Variants in PTPRO observed in about 807,000 individuals in gnomAD.
The protein encoded by PTPRO is protein tyrosine phosphatase receptor type O.
Under a neutral mutation model 145.2 loss-of-function variants are expected in PTPRO, and 62 were observed. The observed-to-expected ratio is 0.43, with a 90% CI of 0.35 to 0.53. The LOEUF (loss-of-function observed/expected upper bound fraction) is 0.53. PTPRO is among the 20% of genes least tolerant of loss of function. The pLI is 0.01. For missense variants in PTPRO, 1,345 were observed against 1,482.7 expected (o/e 0.91, Z 1.53); for synonymous variants, 565 against 514.7 (o/e 1.10, Z -1.32).
At chr12:15,513,113 AAGG>A (rs1490908742) in intron 7 of PTPRO, among the ~76,000 whole-genome samples, 2,332 of 8,806 alleles carry the variant, frequency 0.26, 304 homozygotes, top group Middle Eastern at 0.45. Flanking sequence ...GAAAGAAAGG[AAGG>A]AAGGAAGGAA....
At chr12:15,411,168 T>A (rs1194536875) in intron 1 of PTPRO, among the ~76,000 whole-genome samples, 1 of 152,206 alleles carries the variant, frequency 6.6e-6, no homozygotes, top group Non-Finnish European at 1.5e-5. Flanking sequence ...TAATTTAACA[T>A]GTATCTTTAC....
intron 1 of PTPRO, among the ~76,000 whole-genome samples, chr12:15,483,664 A>C (rs1234123801): frequency 6.6e-6 from 1 of 151,996 alleles, no homozygotes; most frequent in Non-Finnish European, 1.5e-5. Context: ...TTCATTATTT[A>C]CTCCTCCACA....
chr12:15,479,781 A>G (rs1180495049), intron 1 of PTPRO, among the ~76,000 whole-genome samples: 1 of 152,186 alleles, frequency 6.6e-6, no homozygotes, highest in Non-Finnish European at 1.5e-5. Flanking sequence ...GCAGGGAGGT[A>G]GGGCACATCT....
chr12:15,556,960 C>T (rs991678494), intron 15 of PTPRO, among the ~76,000 whole-genome samples: 2 of 151,554 alleles, frequency 1.3e-5, no homozygotes, highest in Non-Finnish European at 2.9e-5. Context: ...TATTTCTTTT[C>T]GTTTTAGCTT....
At chr12:15,449,474 G>T (rs1467370914) in intron 1 of PTPRO, among the ~76,000 whole-genome samples, 3 of 152,174 alleles carry the variant, frequency 2.0e-5, no homozygotes, top group Non-Finnish European at 2.9e-5. Flanking sequence ...ATAGGTCAAA[G>T]GGAGCAAACT....
intron 1 of PTPRO, among the ~76,000 whole-genome samples, chr12:15,412,206 G>A (rs913132104): frequency 1.3e-5 from 2 of 152,160 alleles, no homozygotes; most frequent in African/African-American, 4.8e-5. Context: ...CCTGCCCTAA[G>A]GGCTACTCCT....
chr12:15,483,503 G>T (rs1213658373), intron 1 of PTPRO, among the ~76,000 whole-genome samples: 1 of 152,094 alleles, frequency 6.6e-6, no homozygotes, highest in Non-Finnish European at 1.5e-5. Context: ...AGAGCTAGCA[G>T]ATGAGAGGAA....
At chr12:15,489,048 C>G (rs757091521) in intron 2 of PTPRO, among the ~76,000 whole-genome samples, 12 of 152,038 alleles carry the variant, frequency 7.9e-5, no homozygotes, top group Non-Finnish European at 1.6e-4. Context: ...CAGTCCTATT[C>G]TAAATAAAAA....
chr12:15,550,629 C>G (rs1943431170), intron 14 of PTPRO, among the ~76,000 whole-genome samples: 1 of 152,214 alleles, frequency 6.6e-6, no homozygotes, highest in Non-Finnish European at 1.5e-5. Context: ...AAAAGCTCTT[C>G]TGATCATGCG....
At chr12:15,581,567 C>G in intron 22 of PTPRO, 112 bp from the exon 23 acceptor site, 1 of 1,286,702 alleles carries the variant, frequency 7.8e-7, no homozygotes, top group Non-Finnish European at 1.1e-6. Context: ...TCATCTTCAC[C>G]ACGGTCCTAT....
At chr12:15,383,462 T>C (rs1237589161) in intron 1 of PTPRO, among the ~76,000 whole-genome samples, 1 of 152,198 alleles carries the variant, frequency 6.6e-6, no homozygotes, top group Non-Finnish European at 1.5e-5. Flanking sequence ...TTTATCAACA[T>C]AAATGACTTA....
chr12:15,442,767 C>A (rs546349531), intron 1 of PTPRO, among the ~76,000 whole-genome samples: 4 of 151,542 alleles, frequency 2.6e-5, no homozygotes, highest in African/African-American at 7.2e-5. Context: ...AAAAAAATAC[C>A]TGGAAGTACA....
chr12:15,595,101 AT>A, intron 26 of PTPRO, 44 bp downstream of exon 26: 1 of 1,260,016 alleles, frequency 7.9e-7, no homozygotes, highest in Non-Finnish European at 1.2e-6. Context: ...TCTTAGAACT[AT>A]TAGAGGGGGA....
chr12:15,459,582 C>T, intron 1 of PTPRO, among the ~76,000 whole-genome samples: 1 of 152,144 alleles, frequency 6.6e-6, no homozygotes, highest in Non-Finnish European at 1.5e-5. Flanking sequence ...CCAAGAGCTT[C>T]TAAACTGGCT....
At chr12:15,479,355 G>T (rs1941729799) in intron 1 of PTPRO, among the ~76,000 whole-genome samples, 1 of 152,188 alleles carries the variant, frequency 6.6e-6, no homozygotes, top group Non-Finnish European at 1.5e-5. Flanking sequence ...ACCTCAGCCA[G>T]CAGGGGAGGG....
chr12:15,528,097 A>G (rs1487215399), intron 12 of PTPRO, among the ~76,000 whole-genome samples: 1 of 152,158 alleles, frequency 6.6e-6, no homozygotes, highest in Non-Finnish European at 1.5e-5. Flanking sequence ...ACTGAAAAAC[A>G]CATCACAGCA....
chr12:15,496,195 T>C (rs371651076), intron 2 of PTPRO, among the ~76,000 whole-genome samples: 122 of 133,412 alleles, frequency 9.1e-4, no homozygotes, highest in African/African-American at 3.4e-3. Context: ...CAGGCTGGGG[T>C]GCAATGGCGG....
intron 12 of PTPRO, among the ~76,000 whole-genome samples, chr12:15,537,796 T>C (rs1943095489): frequency 6.6e-6 from 1 of 152,130 alleles, no homozygotes; most frequent in African/African-American, 2.4e-5. Flanking sequence ...GTGATGTCCT[T>C]GACTGGAGCA....
chr12:15,589,549 T>G lies in PTPRO; in HGVS notation c.3505T>G (p.Ser1169Ala). 6.2e-7 allele frequency: 1 copy of G among 1,614,136 alleles called. No homozygotes were observed. The highest frequency in any genetic ancestry group is 8.5e-7 in the Non-Finnish European group (1 of 1,179,994). ...GTTTGTTGACATCTTAGGGCTGGTG[T>G]CAGAAATGAGGTCATACCGGATGTC... ...HEFVDILGLVSEMRSYRMSMV... is the reference protein window; with the variant it reads ...HEFVDILGLVAEMRSYRMSMV... Residue 1169 changes from serine to alanine, a missense_variant, in exon 25 of 27, where the codon TCA becomes GCA. Coordinates refer to ENST00000281171, the MANE Select transcript of PTPRO (RefSeq NM_030667.3).
Sources: gnomAD v4.1 joint callset for allele counts (sites outside exome capture counted in the v4.1 genomes callset) on GRCh38, gnomAD v4.1.1 for gene constraint, MANE v1.5 for transcripts, NCBI Gene and HGNC (gene_info 2026-07-23, HGNC 2026-07-21) for gene names.